The following EDNRB variants were observed in gnomAD, a reference collection of about 807,000 sequenced individuals.
EDNRB encodes endothelin receptor type B.
In EDNRB, 18 loss-of-function variants were observed where a neutral mutation model predicts 46.4. The observed-to-expected ratio is 0.39, with a 90% confidence interval of 0.27 to 0.57. The LOEUF is 0.57. EDNRB is among the 20% of genes least tolerant of loss of function. The pLI is 0.61. For missense variants in EDNRB, 434 were observed against 537.5 expected, an observed-to-expected ratio of 0.81 and a Z score of 1.90; for synonymous variants, 213 against 204.9, an observed-to-expected ratio of 1.04 and a Z score of -0.34.
chr13:77,919,598 A>T (rs199927859), upstream of EDNRB: 56 of 1,608,878 alleles, frequency 3.5e-5, no homozygotes, highest in Middle Eastern at 8.3e-4. Context: ...CTGCCATCAG[A>T]CAAGTACTTT....
chr13:77,937,863 T>A (rs1880614738), intron 1 of EDNRB, among the ~76,000 whole-genome samples: 2 of 151,814 alleles, frequency 1.3e-5, no homozygotes, highest in African/African-American at 4.8e-5. Flanking sequence ...GAAGGAAGAT[T>A]TGGGATGAGC....
Position 77,901,161 on chromosome 13 carries a change from C to A in EDNRB, c.848G>T (p.Cys283Phe). The change falls in exon 4 of 7, where the codon TGC (cysteine) becomes TTC (phenylalanine). Residue 283 changes from cysteine (C) to phenylalanine (F), a missense_variant. Cys to Phe is a radical substitution (Grantham distance 205). Coordinates refer to ENST00000646607, the MANE Select transcript of EDNRB (RefSeq NM_001122659.3). ...AAATGCAGTGATGGCCAATGGCAAG[C>A]AGAAATAGAAACTGAATAGCCACCA... ...KDWWLFSFYF[C>F]LPLAITAFFY... The A allele has an allele frequency of 2.5e-6, 4 of 1,611,258 alleles. No homozygotes were observed. The highest frequency in any genetic ancestry group is 1.3e-5 in the African/African-American group (1 of 74,834).
At chr13:77,950,093 T>C (rs1384519277) in intron 1 of EDNRB, among the ~76,000 whole-genome samples, 1 of 152,186 alleles carries the variant, frequency 6.6e-6, no homozygotes, top group Non-Finnish European at 1.5e-5. Flanking sequence ...TCTCTTCCAC[T>C]GTACAACACA....
chr13:77,936,940 T>C (rs141173102), intron 1 of EDNRB, among the ~76,000 whole-genome samples: 2,207 of 152,334 alleles, frequency 0.014, 45 homozygotes, highest in East Asian at 0.024. Flanking sequence ...GCATTGCCGT[T>C]TGGCTGCTTC....
chr13:77,916,117 T>C (rs545927415), intron 1 of EDNRB, among the ~76,000 whole-genome samples: 1 of 152,330 alleles, frequency 6.6e-6, no homozygotes, highest in African/African-American at 2.4e-5. Flanking sequence ...TACTGTCTGA[T>C]TTAGAAAGGT....
intron 1 of EDNRB, among the ~76,000 whole-genome samples, chr13:77,960,295 G>A (rs914152287): frequency 1.3e-5 from 2 of 152,234 alleles, no homozygotes; most frequent in African/African-American, 4.8e-5. Flanking sequence ...GAGAAAGGTC[G>A]GGTTACCCAC....
chr13:77,911,717 T>C (rs2137628850), intron 1 of EDNRB, among the ~76,000 whole-genome samples: 1 of 152,162 alleles, frequency 6.6e-6, no homozygotes, highest in Middle Eastern at 3.4e-3. Flanking sequence ...ATTTTCTTGT[T>C]CCTTTACATT....
chr13:77,947,397 A>G (rs1734732826), intron 1 of EDNRB: 1 of 152,058 alleles, frequency 6.6e-6, no homozygotes, highest in South Asian at 2.1e-4. Context: ...CGGCCTCCCA[A>G]AGTGCTGGGA....
intron 1 of EDNRB, among the ~76,000 whole-genome samples, chr13:77,968,989 G>A (rs1004900617): frequency 6.6e-5 from 10 of 152,136 alleles, no homozygotes; most frequent in African/African-American, 2.4e-4. Flanking sequence ...TCAGCGTTTG[G>A]TATTGTAAAA....
rs1422704119 is a variant in EDNRB at position 77,901,186 on chromosome 13, A to C, written c.823T>G (p.Trp275Gly). 1 of 1,610,912 alleles carries C rather than the reference A, an allele frequency of 6.2e-7. No individual in the cohort carries two copies. The highest frequency in any genetic ancestry group is 2.2e-5 in the East Asian group (1 of 44,660). The change falls in exon 4 of 7, where the codon TGG becomes GGG. Residue 275 changes from tryptophan to glycine, a missense_variant. Physicochemically the swap from Trp to Gly is radical, Grantham distance 184. Transcript: ENST00000646607. ...CAGAAATAGAAACTGAATAGCCACC[A>C]ATCTTTTGCTGTCTTGTAAAACTAT... ...FMQFYKTAKD[W>G]WLFSFYFCLP...
chr13:77,931,592 G>A (rs73548662), intron 1 of EDNRB, among the ~76,000 whole-genome samples: 29 of 151,982 alleles, frequency 1.9e-4, no homozygotes, highest in Middle Eastern at 3.4e-3. Context: ...ACGCCAGGGC[G>A]TCTAATTGTG....
At chr13:77,965,213 C>T in intron 1 of EDNRB, among the ~76,000 whole-genome samples, 1 of 152,152 alleles carries the variant, frequency 6.6e-6, no homozygotes, top group East Asian at 1.9e-4. Context: ...CAAATCATTG[C>T]CTACTTCTCA....
chr13:77,974,163 A>G (rs1881816825), intron 1 of EDNRB, among the ~76,000 whole-genome samples: 1 of 152,014 alleles, frequency 6.6e-6, no homozygotes, highest in Non-Finnish European at 1.5e-5. Context: ...TAGAATTGGT[A>G]TAGATGGCTT....
intron 1 of EDNRB, among the ~76,000 whole-genome samples, chr13:77,929,263 A>G (rs1025640804): frequency 2.6e-5 from 4 of 152,328 alleles, no homozygotes; most frequent in African/African-American, 9.6e-5. Context: ...CAAAATATAC[A>G]GGGCCTTATC....
intron 1 of EDNRB, among the ~76,000 whole-genome samples, chr13:77,926,143 A>G (rs1880230215): frequency 6.6e-6 from 1 of 152,204 alleles, no homozygotes; most frequent in Non-Finnish European, 1.5e-5. Flanking sequence ...AGCTTGCTGC[A>G]CACAGCATGG....
chr13:77,933,276 G>A (rs552086028), intron 1 of EDNRB, among the ~76,000 whole-genome samples: 1 of 152,304 alleles, frequency 6.6e-6, no homozygotes, highest in South Asian at 2.1e-4. Context: ...GAGCAATAAA[G>A]CTTTTAATCA....
At position 77,909,466 on chromosome 13, in the gene EDNRB, A is replaced by G. The variant is rs575889992; in HGVS notation, c.484-5859T>C. Among the ~76,000 whole-genome samples the G allele has an allele frequency of 2.6e-5, 4 of 152,032 alleles. No individual in the cohort carries two copies. The South Asian group carries it at 8.3e-4, about 31-fold the overall frequency. On this transcript the variant is annotated intron_variant, in intron 1 of 6. Transcript: ENST00000646607. ...TAAATGAAGAAAAAAAATCCTGTTAACACACACCCCTGTTAATGCCAAAAG... is the reference window on the plus strand; with the variant it reads ...TAAATGAAGAAAAAAAATCCTGTTAGCACACACCCCTGTTAATGCCAAAAG...
At chr13:77,958,577 T>C (rs369908522) in intron 1 of EDNRB, among the ~76,000 whole-genome samples, 149 of 152,208 alleles carry the variant, frequency 9.8e-4, no homozygotes, top group African/African-American at 3.4e-3. Flanking sequence ...GGTTTCACCA[T>C]GTTAGCCAGG....
upstream of EDNRB, chr13:77,919,746 G>A: frequency 1.2e-6 from 1 of 832,794 alleles, no homozygotes; most frequent in Non-Finnish European, 1.8e-6. Context: ...CCTCGTCCGG[G>A]GACAGGTCCC....
Sources: allele counts gnomAD v4.1 joint callset (sites outside exome capture counted in the v4.1 genomes callset), GRCh38; gene constraint gnomAD v4.1.1; transcripts MANE v1.5; gene names NCBI Gene and HGNC (gene_info 2026-07-23, HGNC 2026-07-21).